The following MLYCD variants were observed in gnomAD, a reference collection of about 807,000 sequenced individuals.
The protein encoded by MLYCD is malonyl-CoA decarboxylase.
A neutral mutation model predicts 35.8 loss-of-function variants in MLYCD; 27 were observed. The ratio of observed to expected loss-of-function variants is 0.75; its 90% CI spans 0.56 to 1.04. MLYCD has a LOEUF of 1.04. Among genes scored for constraint, MLYCD ranks in the 50% least tolerant of loss-of-function variants. The pLI is 0.00. For synonymous variants in MLYCD, 403 were observed against 302.4 expected, an observed-to-expected ratio of 1.33 and a Z score of -3.45; for missense variants, 917 against 665.1, an observed-to-expected ratio of 1.38 and a Z score of -4.17.
intron 3 of MLYCD, among the ~76,000 whole-genome samples, chr16:83,911,181 T>A (rs1229499175): frequency 1.3e-5 from 2 of 152,120 alleles, no homozygotes; most frequent in Non-Finnish European, 2.9e-5. Context: ...GGTTTCACCG[T>A]GTTAGCCAGG....
At position 83,907,900 on chromosome 16, in the gene MLYCD, G is replaced by T. The variant is rs566936148; in HGVS notation, c.642-226G>T. Reference sequence around the variant, plus strand: ...CCTCACAAACTCCTTTTAAAACTGGGGTTAAAACTGGAGCACAATTTTGTG... The same window carrying T: ...CCTCACAAACTCCTTTTAAAACTGGTGTTAAAACTGGAGCACAATTTTGTG... On this transcript the variant is annotated intron_variant, in intron 2 of 4. Transcript: ENST00000262430. 9.9e-5 allele frequency among the ~76,000 whole-genome samples: 15 copies of T among 152,144 alleles called. No homozygotes were observed. The East Asian group carries it at 2.9e-3, about 29-fold the overall frequency.
intron 4 of MLYCD, chr16:83,913,421 G>C (rs1597294204): frequency 6.6e-6 from 1 of 152,550 alleles, no homozygotes; most frequent in Admixed American, 6.5e-5. Flanking sequence ...TAGCCCAGCA[G>C]CTGTCCTGAG....
intron 4 of MLYCD, chr16:83,912,696 G>A (rs1907223197): frequency 1.6e-5 from 6 of 376,048 alleles, no homozygotes; most frequent in Middle Eastern, 8.9e-4. Flanking sequence ...TCATCCTGGT[G>A]TAAGTGTCAC....
rs1907627273 is a variant in MLYCD, at chr16:83,920,858, CA to C, written c.*5370del. The C allele has an allele frequency of 6.6e-6, 1 of 152,208 alleles. No homozygotes were observed. The highest frequency in any genetic ancestry group is 1.5e-5 in the Non-Finnish European group (1 of 68,050). 9.4% of individuals were successfully genotyped at this position (152,208 alleles called of 1,614,324 possible). A position where few individuals can be genotyped will look rare whatever the true frequency, so the allele number is the denominator to read the frequency against. Reference sequence around the variant, plus strand: ...ACTTCTTACAGTGCTTCACATTTAGCAGGTCCTCAATGAACATTAGATGGAT... The same window carrying C: ...ACTTCTTACAGTGCTTCACATTTAGCGGTCCTCAATGAACATTAGATGGAT... On this transcript the variant is annotated 3_prime_UTR_variant, in exon 5 of 5. Coordinates refer to ENST00000262430, the MANE Select transcript of MLYCD (RefSeq NM_012213.3).
chr16:83,916,966 A>T lies in MLYCD; in HGVS notation c.*1477A>T, dbSNP rs574224311. ...CTGTGTGCGTGTGCACGAGCGTTCT[A>T]TGTGGATCAGTGCACGCCTGTGTGC... On this transcript the variant is annotated 3_prime_UTR_variant, in exon 5 of 5. Coordinates refer to ENST00000262430, the MANE Select transcript of MLYCD (RefSeq NM_012213.3). 9 of 85,748 alleles carry T rather than the reference A, an allele frequency of 1.0e-4. No homozygotes were observed. The highest frequency in any genetic ancestry group is 2.4e-4 in the African/African-American group (5 of 20,412). 5.3% of individuals were successfully genotyped at this position (85,748 alleles called of 1,614,324 possible). A position where few individuals can be genotyped will look rare whatever the true frequency, so the allele number is the denominator to read the frequency against.
chr16:83,901,104 G>T (rs142428891), intron 1 of MLYCD, among the ~76,000 whole-genome samples: 2 of 152,172 alleles, frequency 1.3e-5, no homozygotes, highest in Non-Finnish European at 2.9e-5. Flanking sequence ...AATTTACAGC[G>T]CTAAGTGTTA....
intron 1 of MLYCD, among the ~76,000 whole-genome samples, chr16:83,903,812 C>G (rs111301275): frequency 3.4e-4 from 51 of 152,168 alleles, no homozygotes; most frequent in African/African-American, 1.1e-3. Flanking sequence ...TGAGAACTGT[C>G]GCTGCCCTTA....
In MLYCD at chr16:83,908,348, GTT is replaced by G. The variant is rs1907055720; in HGVS notation, c.798+69_798+70del. 2.6e-6 allele frequency: 4 copies of G among 1,512,806 alleles called. No individual in the cohort carries two copies. In the Admixed American group the frequency reaches 8.6e-5, roughly 32 times the overall value. The allele number at this position is 1,512,806 out of a possible 1,614,324, so 93.7% of individuals were successfully genotyped here. On this transcript the variant is annotated intron_variant, in intron 3 of 4. Coordinates refer to ENST00000262430, the MANE Select transcript of MLYCD (RefSeq NM_012213.3). ...TAGAGCCCCTTGTGTTTTTTGTTTT[GTT>G]TTGTTTTTACTTGATTTTATCCTCC...
intron 1 of MLYCD, among the ~76,000 whole-genome samples, chr16:83,901,958 T>G (rs72791519): frequency 0.22 from 32,755 of 151,966 alleles, 4,417 homozygotes; most frequent in African/African-American, 0.38. Flanking sequence ...CATAATGGCT[T>G]CAGGAGCCTT....
chr16:83,915,304 A>G lies in MLYCD; in HGVS notation c.1297A>G (p.Ile433Val). ...GCAGAACGGGGCGGTGCTGTGGCGCATCAACTGGATGGCGGATGTGAGCCT... is the reference window on the plus strand; with the variant it reads ...GCAGAACGGGGCGGTGCTGTGGCGCGTCAACTGGATGGCGGATGTGAGCCT... The part of the protein sequence containing the change: ...HLQNGAVLWR[I>V]NWMADVSLRG... Residue 433 changes from isoleucine to valine, a missense_variant, in exon 5 of 5, where the codon ATC becomes GTC. By Grantham distance (29) the Ile-to-Val change is conservative. Transcript: ENST00000262430. 21 of 1,613,722 alleles carry G rather than the reference A, an allele frequency of 1.3e-5. No individual in the cohort carries two copies. The highest frequency in any genetic ancestry group is 1.8e-5 in the Non-Finnish European group (21 of 1,179,788).
Position 83,906,630 on chromosome 16 carries a change from A to C in MLYCD, c.529-357A>C, listed in dbSNP as rs141434060. The stretch of plus-strand genomic sequence containing the variant: ...CTTGCTGTCTTAGTGTTTCCCTTAC[A>C]GTGCATCTTTCATTGTTATGTTGAT... On this transcript the variant is annotated intron_variant, in intron 1 of 4. Transcript: ENST00000262430. Among the ~76,000 whole-genome samples the C allele has an allele frequency of 7.9e-4, 120 of 152,312 alleles. 2 individuals carry two copies. The Middle Eastern group carries it at 0.01, about 13-fold the overall frequency.
At chr16:83,905,417 A>G (rs1049664722) in intron 1 of MLYCD, among the ~76,000 whole-genome samples, 5 of 152,190 alleles carry the variant, frequency 3.3e-5, no homozygotes, top group Non-Finnish European at 5.9e-5. Flanking sequence ...GACCCAAAAT[A>G]ACAGTGATTT....
chr16:83,903,791 GCAGAATCCACTGAGAA>G (rs1356632870), intron 1 of MLYCD, among the ~76,000 whole-genome samples: 1 of 152,156 alleles, frequency 6.6e-6, no homozygotes, highest in Non-Finnish European at 1.5e-5. Flanking sequence ...AAACACTCCA[GCAGAATCCACTGAGAA>G]CTGTCGCTGC....
In MLYCD at chr16:83,900,452, T is replaced by C. The variant is rs114049279; in HGVS notation, c.528+780T>C. ...TGCCCTTTTTTTATTTTTATTTTTGTTGCCCAGACTGGAGTACAGTGGTGT... is the reference window on the plus strand; with the variant it reads ...TGCCCTTTTTTTATTTTTATTTTTGCTGCCCAGACTGGAGTACAGTGGTGT... On this transcript the variant is annotated intron_variant, in intron 1 of 4. Transcript: ENST00000262430. Among the ~76,000 whole-genome samples, 626 of 152,242 alleles carry C rather than the reference T, an allele frequency of 4.1e-3. 4 individuals carry two copies. Among genetic ancestry groups the C allele is most frequent in the African/African-American group, 0.014 (596 of 41,522 alleles).
chr16:83,908,648 G>T (rs954978002), intron 3 of MLYCD, among the ~76,000 whole-genome samples: 1 of 152,328 alleles, frequency 6.6e-6, no homozygotes, highest in South Asian at 2.1e-4. Context: ...TGCCTGTGGG[G>T]AGTTTTGAAA....
At position 83,921,919 on chromosome 16, in the gene MLYCD, GC is replaced by G. The variant is rs1015285936; in HGVS notation, c.*6433del. 1 of 152,224 alleles carries G rather than the reference GC, an allele frequency of 6.6e-6. No individual in the cohort carries two copies. The highest frequency in any genetic ancestry group is 2.4e-5 in the African/African-American group (1 of 41,416). The allele number at this position is 152,224 out of a possible 1,614,324, so 9.4% of individuals were successfully genotyped here. A position where few individuals can be genotyped will look rare whatever the true frequency, so the allele number is the denominator to read the frequency against. On this transcript the variant is annotated 3_prime_UTR_variant, in exon 5 of 5. Transcript: ENST00000262430. ...ACCCTACAGGAAAGTGCTACTCAGT[GC>G]CCAGGTGACATCGTCACAAGGGGAA...
chr16:83,903,355 C>T (rs1451014433), intron 1 of MLYCD, among the ~76,000 whole-genome samples: 1 of 152,204 alleles, frequency 6.6e-6, no homozygotes, highest in Non-Finnish European at 1.5e-5. Flanking sequence ...CTAAATAATA[C>T]TTATTTTTAG....
chr16:83,899,520 G>C lies in MLYCD; in HGVS notation c.376G>C (p.Glu126Gln), dbSNP rs1375748581. The part of the protein sequence containing the change: ...QREAAVLLQA[E>Q]DRLRYALVPR... ...GGAGGCGGCGGTGCTGCTGCAGGCC[G>C]AGGACCGGCTGCGCTACGCGCTGGT... Residue 126 changes from glutamate (E) to glutamine (Q), a missense_variant, in exon 1 of 5, where the codon GAG (glutamate) becomes CAG (glutamine). Glu to Gln is a conservative substitution (Grantham distance 29). Transcript: ENST00000262430. The C allele has an allele frequency of 5.0e-6, 8 of 1,588,940 alleles. No homozygotes were observed. The highest frequency in any genetic ancestry group is 6.8e-6 in the Non-Finnish European group (8 of 1,176,194).
chr16:83,918,028 G>C lies in MLYCD; in HGVS notation c.*2539G>C, dbSNP rs533993233. 1.4e-4 allele frequency: 22 copies of C among 152,342 alleles called. No individual in the cohort carries two copies. Among genetic ancestry groups the C allele is most frequent in the African/African-American group, 5.3e-4 (22 of 41,576 alleles). The allele number at this position is 152,342 out of a possible 1,614,324, so 9.4% of individuals were successfully genotyped here. The stretch of plus-strand genomic sequence containing the variant: ...GTTTGTAGATGTCAGTCATCCCCAA[G>C]TCACTAGGAACTAGCACGCCTGAGG... On this transcript the variant is annotated 3_prime_UTR_variant, in exon 5 of 5. Transcript: ENST00000262430.
Sources: gnomAD v4.1 joint callset for allele counts (sites outside exome capture counted in the v4.1 genomes callset) on GRCh38, gnomAD v4.1.1 for gene constraint, MANE v1.5 for transcripts, NCBI Gene and HGNC (gene_info 2026-07-23, HGNC 2026-07-21) for gene names.